ADIPOR2: variants seen among roughly 807,000 people sequenced by gnomAD.
ADIPOR2 encodes the protein adiponectin receptor protein 2.
In ADIPOR2, 18 loss-of-function variants were observed where a neutral mutation model predicts 40.9. That is an observed-to-expected ratio of 0.44 (90% CI 0.30 to 0.65). The LOEUF (loss-of-function observed/expected upper bound fraction) is 0.65, where lower values mean the gene tolerates loss of function less well. ADIPOR2 is among the 30% of genes least tolerant of loss of function. The pLI is 0.09. For synonymous variants in ADIPOR2, 165 were observed against 166.4 expected, an observed-to-expected ratio of 0.99 and a Z score of 0.06; for missense variants, 283 against 479.2, an observed-to-expected ratio of 0.59 and a Z score of 3.82.
chr12:1,694,809 A>G (rs2094634667), intron 1 of ADIPOR2, among the ~76,000 whole-genome samples: 1 of 152,080 alleles, frequency 6.6e-6, no homozygotes, highest in Non-Finnish European at 1.5e-5. Flanking sequence ...TTTAAAAATT[A>G]CACTTTTTTT....
rs1409746962 is a variant in ADIPOR2, at chr12:1,750,374, C to CA, written c.-86-3883dup. ...AGGAGTTCAAGACCAGCCTGGGCAA[C>CA]ATAGCGAGACTCCATCACTACAAGA... On this transcript the variant is annotated intron_variant, in intron 1 of 7. Transcript: ENST00000357103. Among the ~76,000 whole-genome samples the CA allele has an allele frequency of 4.9e-5, 7 of 143,498 alleles. No individual in the cohort carries two copies. The Admixed American group carries it at 5.0e-4, about 10-fold the overall frequency. The allele number at this position is 143,498 out of a possible 152,430, so 94.1% of individuals were successfully genotyped here.
At chr12:1,693,290 C>CACATGGCTG (rs148008950) in intron 1 of ADIPOR2, among the ~76,000 whole-genome samples, 59,747 of 151,836 alleles carry the variant, frequency 0.39, 13,801 homozygotes, top group Non-Finnish European at 0.53. Context: ...CCTGTAACAC[C>CACATGGCTG]TTATATTTAT....
intron 2 of ADIPOR2, among the ~76,000 whole-genome samples, chr12:1,759,361 T>TGG (rs1862220182): frequency 6.6e-6 from 1 of 152,018 alleles, no homozygotes; most frequent in African/African-American, 2.4e-5. Context: ...TTTAAAACAT[T>TGG]ATGGGAGCCC....
chr12:1,774,810 T>C (rs1459756999), intron 3 of ADIPOR2, among the ~76,000 whole-genome samples: 1 of 152,240 alleles, frequency 6.6e-6, no homozygotes, highest in Non-Finnish European at 1.5e-5. Flanking sequence ...GTTCAAGTGA[T>C]TCTCCTGCCT....
At chr12:1,707,815 TC>T (rs1164238503) in intron 1 of ADIPOR2, among the ~76,000 whole-genome samples, 1 of 152,206 alleles carries the variant, frequency 6.6e-6, no homozygotes, top group East Asian at 1.9e-4. Flanking sequence ...GAACACTTCT[TC>T]ATGTGTTCAT....
chr12:1,747,606 G>C lies in ADIPOR2; in HGVS notation c.-86-6652G>C, dbSNP rs541184658. The stretch of plus-strand genomic sequence containing the variant: ...CATTTCTTTTAAGGGGGATCTTCCA[G>C]GAACAAAATCTGTTTTATTGCTTTT... On this transcript the variant is annotated intron_variant, in intron 1 of 7. Transcript: ENST00000357103. Among the ~76,000 whole-genome samples, 3 of 152,216 alleles carry C rather than the reference G, an allele frequency of 2.0e-5. No individual in the cohort carries two copies. In the East Asian group the frequency reaches 5.8e-4, roughly 29 times the overall value.
At chr12:1,763,457 C>A (rs1258186950) in intron 2 of ADIPOR2, among the ~76,000 whole-genome samples, 1 of 152,198 alleles carries the variant, frequency 6.6e-6, no homozygotes, top group Non-Finnish European at 1.5e-5. Context: ...GCAGTGGTAA[C>A]ACTGCCTGGT....
chr12:1,722,651 A>G (rs749496085), intron 1 of ADIPOR2, among the ~76,000 whole-genome samples: 5 of 152,226 alleles, frequency 3.3e-5, no homozygotes, highest in Non-Finnish European at 7.3e-5. Flanking sequence ...GGAAGCAGAA[A>G]AATGGTTGTG....
intron 4 of ADIPOR2, among the ~76,000 whole-genome samples, chr12:1,779,327 T>G (rs1862666364): frequency 6.6e-6 from 1 of 152,222 alleles, no homozygotes; most frequent in Non-Finnish European, 1.5e-5. Context: ...CACTGGAGTA[T>G]TATTTAGCTG....
intron 2 of ADIPOR2, among the ~76,000 whole-genome samples, chr12:1,758,979 T>A (rs1344009771): frequency 1.3e-5 from 2 of 152,228 alleles, no homozygotes; most frequent in Non-Finnish European, 2.9e-5. Flanking sequence ...GATGAGAGCA[T>A]GTGCTAAGTC....
At position 1,786,693 on chromosome 12, in the gene ADIPOR2, C is replaced by T. The variant is rs751480856; in HGVS notation, c.*621C>T. ...TTTGCACAAAAAGTGACTGTAGGAT[C>T]AGGTGATAGCCCCGGAATGTACAGT... On this transcript the variant is annotated 3_prime_UTR_variant, in exon 8 of 8. Coordinates refer to ENST00000357103, the MANE Select transcript of ADIPOR2 (RefSeq NM_024551.3). The T allele has an allele frequency of 2.6e-5, 4 of 152,802 alleles. No individual in the cohort carries two copies. Among genetic ancestry groups the T allele is most frequent in the Non-Finnish European group, 5.9e-5 (4 of 68,194 alleles). The allele number at this position is 152,802 out of a possible 1,614,324, so 9.5% of individuals were successfully genotyped here.
intron 1 of ADIPOR2, among the ~76,000 whole-genome samples, chr12:1,733,927 A>G (rs1275248952): frequency 6.6e-6 from 1 of 152,184 alleles, no homozygotes; most frequent in African/African-American, 2.4e-5. Context: ...GTCCCTACAA[A>G]GGACATGAAC....
In ADIPOR2 at chr12:1,755,120, G is replaced by A. The variant is rs1311203545; in HGVS notation, c.171+606G>A. Among the ~76,000 whole-genome samples the A allele has an allele frequency of 3.8e-5, 3 of 79,414 alleles. 1 individual carries two copies. The highest frequency in any genetic ancestry group is 3.6e-4 in the Admixed American group (3 of 8,240). The allele number at this position is 79,414 out of a possible 152,430, so 52.1% of individuals were successfully genotyped here. A position where few individuals can be genotyped will look rare whatever the true frequency, so the allele number is the denominator to read the frequency against. The stretch of plus-strand genomic sequence containing the variant: ...TTCGGAGACGGAGTCTTGTTCTGTC[G>A]CCAGGCTGGAGTGCAGTGGTGCGAT... On this transcript the variant is annotated intron_variant, in intron 2 of 7. Transcript: ENST00000357103.
At chr12:1,703,838 G>T (rs1359122198) in intron 1 of ADIPOR2, among the ~76,000 whole-genome samples, 1 of 152,038 alleles carries the variant, frequency 6.6e-6, no homozygotes, top group Non-Finnish European at 1.5e-5. Context: ...CCCAGCCTCT[G>T]TAGTAGCTAA....
chr12:1,693,520 CTT>C (rs35175001), intron 1 of ADIPOR2, among the ~76,000 whole-genome samples: 51 of 140,184 alleles, frequency 3.6e-4, no homozygotes, highest in Admixed American at 6.4e-4. Flanking sequence ...TTGTAATCTG[CTT>C]TTTTTTTTTT....
chr12:1,767,693 C>T (rs889454196), intron 2 of ADIPOR2, among the ~76,000 whole-genome samples: 11 of 152,112 alleles, frequency 7.2e-5, no homozygotes, highest in African/African-American at 2.7e-4. Flanking sequence ...GTGAACACTG[C>T]CCTAAAGAGT....
At chr12:1,714,848 G>A (rs911266703) in intron 1 of ADIPOR2, among the ~76,000 whole-genome samples, 1 of 152,114 alleles carries the variant, frequency 6.6e-6, no homozygotes, top group African/African-American at 2.4e-5. Flanking sequence ...CTCTCCAAGT[G>A]AGGTTGAAGG....
At chr12:1,784,174 A>ATACAACTCTCCT in intron 7 of ADIPOR2, 101 bp downstream of exon 7, 1 of 1,315,956 alleles carries the variant, frequency 7.6e-7, no homozygotes, top group Non-Finnish European at 1.0e-6. Flanking sequence ...CAAAGTCAGG[A>ATACAACTCTCCT]GAGTTGTATC....
At chr12:1,727,858 T>TAAAA (rs570513526) in intron 1 of ADIPOR2, among the ~76,000 whole-genome samples, 12 of 138,804 alleles carry the variant, frequency 8.6e-5, no homozygotes, top group East Asian at 6.2e-4. Flanking sequence ...GAACACTGTT[T>TAAAA]AAAAAAAAAA....
Sources: allele counts gnomAD v4.1 joint callset (sites outside exome capture counted in the v4.1 genomes callset), GRCh38; gene constraint gnomAD v4.1.1; transcripts MANE v1.5; gene names NCBI Gene and HGNC (gene_info 2026-07-23, HGNC 2026-07-21).